AKAP12: variants seen among roughly 807,000 people sequenced by gnomAD.
AKAP12 encodes A-kinase anchoring protein 12.
In AKAP12, 32 loss-of-function variants were observed where a neutral mutation model predicts 79.9. The ratio of observed to expected loss-of-function variants is 0.40; its 90% CI spans 0.30 to 0.54. The LOEUF (loss-of-function observed/expected upper bound fraction) is 0.54, where lower values mean the gene tolerates loss of function less well. AKAP12 is among the 20% of genes least tolerant of loss of function. AKAP12 has a pLI of 0.48. For synonymous variants in AKAP12, 808 were observed against 857.0 expected (o/e 0.94, Z 1.00); for missense variants, 2,074 against 2,177.0 (o/e 0.95, Z 0.94).
chr6:151,302,994 G>C (rs1398224722), intron 2 of AKAP12, among the ~76,000 whole-genome samples: 1 of 152,070 alleles, frequency 6.6e-6, no homozygotes. Flanking sequence ...TCAGGAGTTG[G>C]AGACCAGCCT....
At chr6:151,336,606 G>A (rs570952932) in intron 3 of AKAP12, among the ~76,000 whole-genome samples, 4 of 152,058 alleles carry the variant, frequency 2.6e-5, no homozygotes, top group Non-Finnish European at 5.9e-5. Context: ...TTAGCCAGGC[G>A]CGGTGGCATG....
intron 2 of AKAP12, among the ~76,000 whole-genome samples, chr6:151,296,718 A>C (rs993879330): frequency 8.5e-5 from 13 of 152,176 alleles, no homozygotes; most frequent in Non-Finnish European, 1.8e-4. Context: ...TGGAGGTTGC[A>C]GTGAGCCGAG....
chr6:151,306,871 C>G (rs73780610), intron 3 of AKAP12, among the ~76,000 whole-genome samples: 1,852 of 152,284 alleles, frequency 0.012, 27 homozygotes, highest in African/African-American at 0.041. Flanking sequence ...GTGAGAGTTT[C>G]AAATAATTTT....
intron 2 of AKAP12, among the ~76,000 whole-genome samples, chr6:151,273,262 G>A (rs1049288166): frequency 6.6e-6 from 1 of 152,198 alleles, no homozygotes; most frequent in African/African-American, 2.4e-5. Context: ...GTGATGGTGC[G>A]GTGATAGTGA....
At chr6:151,245,927 T>C (rs1180574688) in intron 2 of AKAP12, among the ~76,000 whole-genome samples, 2 of 152,136 alleles carry the variant, frequency 1.3e-5, no homozygotes, top group African/African-American at 2.4e-5. Context: ...AAAGATCATA[T>C]CACATATAGA....
intron 2 of AKAP12, among the ~76,000 whole-genome samples, chr6:151,303,797 G>A (rs1258082947): frequency 6.6e-6 from 1 of 152,190 alleles, no homozygotes; most frequent in African/African-American, 2.4e-5. Flanking sequence ...TTGTAATTGT[G>A]TGTAGTAACA....
chr6:151,326,805 T>A (rs1173785020), intron 3 of AKAP12, among the ~76,000 whole-genome samples: 1 of 106,204 alleles, frequency 9.4e-6, no homozygotes, highest in Non-Finnish European at 1.7e-5. Context: ...CAAATCTTTT[T>A]TTTTGTTTGT....
intron 3 of AKAP12, among the ~76,000 whole-genome samples, chr6:151,332,147 C>T (rs1777692687): frequency 6.6e-6 from 1 of 150,740 alleles, no homozygotes; most frequent in African/African-American, 2.4e-5. Context: ...AATGATTCTC[C>T]TGCCTCAGCC....
intron 2 of AKAP12, among the ~76,000 whole-genome samples, chr6:151,252,703 G>C (rs1178169985): frequency 7.0e-6 from 1 of 142,030 alleles, no homozygotes; most frequent in East Asian, 2.1e-4. Flanking sequence ...AGACCAGCCT[G>C]GACAAGATAC....
chr6:151,349,177 G>A lies in AKAP12; in HGVS notation c.786G>A (p.Val262=). 1.2e-6 allele frequency: 2 copies of A among 1,613,172 alleles called. No individual in the cohort carries two copies. Among genetic ancestry groups the A allele is most frequent in the South Asian group, 1.1e-5 (1 of 91,084 alleles). The change falls in exon 4 of 5, where the codon GTG becomes GTA. Residue 262 remains valine, a synonymous_variant. Transcript: ENST00000402676. ...CCCCAGCCGAATCTGGCCAAGCAGT[G>A]GAGGAATGCAAAGAGGAAGGAGAAG... ...ISPPAESGQA[V]EECKEEGEEK...
At chr6:151,278,655 A>G (rs1776332906) in intron 2 of AKAP12, among the ~76,000 whole-genome samples, 1 of 151,842 alleles carries the variant, frequency 6.6e-6, no homozygotes, top group South Asian at 2.1e-4. Context: ...TACTGCAATT[A>G]ATGAACGGTA....
chr6:151,311,764 T>C (rs926561), intron 3 of AKAP12, among the ~76,000 whole-genome samples: 29,424 of 152,186 alleles, frequency 0.19, 3,309 homozygotes, highest in East Asian at 0.54. Context: ...ACAGTTCCTC[T>C]GGGAAACAGA....
intron 2 of AKAP12, among the ~76,000 whole-genome samples, chr6:151,279,928 G>A (rs1427143749): frequency 6.6e-6 from 1 of 151,906 alleles, no homozygotes; most frequent in African/African-American, 2.4e-5. Context: ...CATAAAAGTG[G>A]TATATTGTCA....
chr6:151,241,132 A>C (rs1796967236), intron 2 of AKAP12, among the ~76,000 whole-genome samples: 1 of 152,166 alleles, frequency 6.6e-6, no homozygotes, highest in African/African-American at 2.4e-5. Context: ...CGAGATGCGG[A>C]AAGTCAGCTG....
chr6:151,341,823 C>A, intron 3 of AKAP12: 1 of 1,283,110 alleles, frequency 7.8e-7, no homozygotes. Context: ...CCTTCCCGTC[C>A]CAGGCTTGGG....
intron 2 of AKAP12, among the ~76,000 whole-genome samples, chr6:151,266,914 G>T (rs1421765585): frequency 6.6e-6 from 1 of 151,236 alleles, no homozygotes; most frequent in Non-Finnish European, 1.5e-5. Context: ...ATACTCAGGA[G>T]GCTGAGGCAG....
chr6:151,315,643 T>A (rs769540352), intron 3 of AKAP12, among the ~76,000 whole-genome samples: 1 of 152,228 alleles, frequency 6.6e-6, no homozygotes, highest in Non-Finnish European at 1.5e-5. Flanking sequence ...TAGTAACTTT[T>A]ACATGATTAA....
intron 3 of AKAP12, chr6:151,341,761 TG>T (rs1777956712): frequency 7.8e-7 from 1 of 1,285,726 alleles, no homozygotes; most frequent in Non-Finnish European, 1.0e-6. Flanking sequence ...GGCCACCAAC[TG>T]TCCCTTAGGA....
chr6:151,298,832 T>G (rs528882915), intron 2 of AKAP12: 1 of 152,230 alleles, frequency 6.6e-6, no homozygotes, highest in South Asian at 2.1e-4. Flanking sequence ...GAAAAAATTT[T>G]TTTCTTTTTA....
Sources: allele counts gnomAD v4.1 joint callset (sites outside exome capture counted in the v4.1 genomes callset), GRCh38; gene constraint gnomAD v4.1.1; transcripts MANE v1.5; gene names NCBI Gene and HGNC (gene_info 2026-07-23, HGNC 2026-07-21).